GPC6: variants seen among roughly 807,000 people sequenced by gnomAD.
The protein encoded by GPC6 is glypican-6.
Under a neutral mutation model 55.2 loss-of-function variants are expected in GPC6, and 14 were observed. The observed-to-expected ratio is 0.25, with a 90% CI of 0.17 to 0.40. GPC6 has a LOEUF of 0.40. Among genes scored for constraint, GPC6 ranks in the 10% least tolerant of loss-of-function variants. The pLI is 1.00. For synonymous variants in GPC6, 278 were observed against 259.6 expected (o/e 1.07, Z -0.68); for missense variants, 641 against 708.5 (o/e 0.90, Z 1.08).
At chr13:94,341,283 T>C (rs1878020656) in intron 6 of GPC6, among the ~76,000 whole-genome samples, 1 of 152,120 alleles carries the variant, frequency 6.6e-6, no homozygotes, top group African/African-American at 2.4e-5. Flanking sequence ...GTAAATATCA[T>C]GTTAAAGATT....
intron 3 of GPC6, among the ~76,000 whole-genome samples, chr13:93,956,573 C>G (rs148092058): frequency 3.4e-4 from 52 of 152,306 alleles, no homozygotes; most frequent in African/African-American, 1.2e-3. Flanking sequence ...ACAGCCTGCT[C>G]TTTCCACTTT....
intron 4 of GPC6, among the ~76,000 whole-genome samples, chr13:94,078,672 A>G (rs1009253710): frequency 9.9e-5 from 15 of 151,958 alleles, no homozygotes; most frequent in South Asian, 8.3e-4. Context: ...CTGGATACAT[A>G]CAACCTACCG....
At chr13:94,178,481 A>G (rs755724956) in intron 4 of GPC6, among the ~76,000 whole-genome samples, 25 of 152,260 alleles carry the variant, frequency 1.6e-4, no homozygotes, top group Non-Finnish European at 2.9e-4. Context: ...ATGCCTATGC[A>G]TAGAAGAAGA....
intron 4 of GPC6, among the ~76,000 whole-genome samples, chr13:94,238,109 G>A: frequency 6.6e-6 from 1 of 152,130 alleles, no homozygotes; most frequent in East Asian, 1.9e-4. Flanking sequence ...GGAAGACTGA[G>A]GGAGGATCTT....
intron 1 of GPC6, among the ~76,000 whole-genome samples, chr13:93,528,572 A>T (rs1881740123): frequency 6.6e-6 from 1 of 152,180 alleles, no homozygotes; most frequent in Non-Finnish European, 1.5e-5. Flanking sequence ...AAAAGGAAAA[A>T]TATTATTCAG....
intron 2 of GPC6, among the ~76,000 whole-genome samples, chr13:93,650,855 T>C (rs1880379242): frequency 7.4e-6 from 1 of 135,932 alleles, no homozygotes; most frequent in South Asian, 2.4e-4. Flanking sequence ...TGTCATCGTT[T>C]TCCTCAAAAT....
intron 6 of GPC6, among the ~76,000 whole-genome samples, chr13:94,314,125 G>T (rs190648189): frequency 2.0e-5 from 3 of 152,184 alleles, no homozygotes; most frequent in African/African-American, 7.2e-5. Context: ...TAGAAAAGCC[G>T]TTACTTTCCA....
At chr13:93,544,751 C>T (rs758795772) in intron 1 of GPC6, among the ~76,000 whole-genome samples, 9 of 152,094 alleles carry the variant, frequency 5.9e-5, no homozygotes, top group Non-Finnish European at 7.4e-5. Context: ...GTCAACTTAG[C>T]GAATGAGACC....
At chr13:93,826,548 A>G (rs546421475) in intron 2 of GPC6, among the ~76,000 whole-genome samples, 12 of 152,352 alleles carry the variant, frequency 7.9e-5, no homozygotes, top group Admixed American at 2.0e-4. Flanking sequence ...AGGATGTTAT[A>G]TAGTACTTAA....
intron 5 of GPC6, among the ~76,000 whole-genome samples, chr13:94,301,745 T>C (rs187159462): frequency 3.1e-4 from 47 of 152,320 alleles, no homozygotes; most frequent in African/African-American, 1.1e-3. Flanking sequence ...CTATATATAC[T>C]TGTCCTTGGT....
intron 4 of GPC6, among the ~76,000 whole-genome samples, chr13:94,059,941 C>T (rs956493547): frequency 6.6e-6 from 1 of 151,974 alleles, no homozygotes; most frequent in East Asian, 1.9e-4. Context: ...TTCCCTGCTC[C>T]CAGCTGCTAA....
At chr13:93,280,246 C>A (rs780268634) in intron 1 of GPC6, among the ~76,000 whole-genome samples, 1 of 152,094 alleles carries the variant, frequency 6.6e-6, no homozygotes, top group Non-Finnish European at 1.5e-5. Context: ...ATGCCAAGAA[C>A]AGTGATAGAT....
At chr13:93,725,706 C>T (rs1883611985) in intron 2 of GPC6, among the ~76,000 whole-genome samples, 1 of 151,866 alleles carries the variant, frequency 6.6e-6, no homozygotes, top group South Asian at 2.1e-4. Context: ...CCTCTTTGTC[C>T]CTATTAATTT....
At chr13:93,882,456 GT>G (rs1454005748) in intron 3 of GPC6, among the ~76,000 whole-genome samples, 1 of 152,010 alleles carries the variant, frequency 6.6e-6, no homozygotes, top group Non-Finnish European at 1.5e-5. Context: ...GTTTTCCAAA[GT>G]TTAAGTCACC....
rs546202347 is a variant in GPC6 at position 93,883,437 on chromosome 13, A to T, written c.711+52892A>T. ...CCTTTTTTACTGCATCCATGCCAACATCTATTTTTTTTATTTTTGATAATG... is the reference window on the plus strand; with the variant it reads ...CCTTTTTTACTGCATCCATGCCAACTTCTATTTTTTTTATTTTTGATAATG... On this transcript the variant is annotated intron_variant, in intron 3 of 8. Coordinates refer to ENST00000377047, the MANE Select transcript of GPC6 (RefSeq NM_005708.5). Among the ~76,000 whole-genome samples the T allele has an allele frequency of 5.9e-5, 9 of 152,240 alleles. No homozygotes were observed. The South Asian group carries it at 1.9e-3, about 32-fold the overall frequency.
chr13:94,241,995 T>C (rs1286050679), intron 4 of GPC6, among the ~76,000 whole-genome samples: 1 of 152,140 alleles, frequency 6.6e-6, no homozygotes, highest in Non-Finnish European at 1.5e-5. Flanking sequence ...TGTATACATG[T>C]GCCATGTTGC....
intron 6 of GPC6, among the ~76,000 whole-genome samples, chr13:94,321,037 T>C (rs1359652396): frequency 2.0e-5 from 3 of 152,220 alleles, no homozygotes; most frequent in Non-Finnish European, 2.9e-5. Context: ...TAGTAGCTAA[T>C]AGGTAGTGTT....
At chr13:94,281,114 G>T (rs996152978) in intron 4 of GPC6, among the ~76,000 whole-genome samples, 1 of 152,128 alleles carries the variant, frequency 6.6e-6, no homozygotes, top group Non-Finnish European at 1.5e-5. Flanking sequence ...AGATTAAGTT[G>T]AGCTTATTTG....
intron 4 of GPC6, among the ~76,000 whole-genome samples, chr13:94,131,714 A>G (rs1164361216): frequency 6.6e-6 from 1 of 152,158 alleles, no homozygotes; most frequent in Non-Finnish European, 1.5e-5. Flanking sequence ...TCATCCCATA[A>G]TAATTATATA....
Sources: allele counts gnomAD v4.1 joint callset (sites outside exome capture counted in the v4.1 genomes callset), GRCh38; gene constraint gnomAD v4.1.1; transcripts MANE v1.5; gene names NCBI Gene and HGNC (gene_info 2026-07-23, HGNC 2026-07-21).